SPSB4: variants seen among roughly 807,000 people sequenced by gnomAD.
SPSB4 encodes the protein SPRY domain-containing SOCS box protein 4.
Under a neutral mutation model 20.9 loss-of-function variants are expected in SPSB4, and 21 were observed. The ratio of observed to expected loss-of-function variants is 1.01; its 90% CI spans 0.71 to 1.45. SPSB4 has a LOEUF of 1.45. SPSB4 is among the 40% of genes most tolerant of loss of function. The probability of loss-of-function intolerance (pLI) is 0.00; values close to 1 mark genes in which losing one functional copy is unlikely to be tolerated. For synonymous variants in SPSB4, 207 were observed against 183.8 expected (o/e 1.13, Z -1.02); for missense variants, 399 against 399.2 (o/e 1.00, Z 0.00).
intron 2 of SPSB4, among the ~76,000 whole-genome samples, chr3:141,103,345 CAG>C (rs1938641831): frequency 6.6e-6 from 1 of 152,184 alleles, no homozygotes; most frequent in Admixed American, 6.5e-5. Flanking sequence ...AGTGTGGACA[CAG>C]AGGGGCCCCA....
At chr3:141,089,760 A>G (rs1472865824) in intron 2 of SPSB4, among the ~76,000 whole-genome samples, 1 of 152,206 alleles carries the variant, frequency 6.6e-6, no homozygotes, top group African/African-American at 2.4e-5. Context: ...AAATTTGTCA[A>G]AAGCCAGTTA....
rs1280880017 is a variant in SPSB4 at position 141,066,789 on chromosome 3, G to C, written c.685G>C (p.Gly229Arg). ...TGAAGTCACCATGCGCTACATCAAC[G>C]GCCTTGACCGTAAGTTGTGCTGGGC... ...HCEVTMRYINGLDPEPLPLMD... is the reference protein window; with the variant it reads ...HCEVTMRYINRLDPEPLPLMD... Residue 229 changes from glycine to arginine, a missense_variant, in exon 2 of 3, where the codon GGC becomes CGC. Gly to Arg is a moderately radical substitution (Grantham distance 125, BLOSUM62 -2). Coordinates refer to ENST00000310546, the MANE Select transcript of SPSB4 (RefSeq NM_080862.3). The C allele has an allele frequency of 6.5e-7, 1 of 1,544,390 alleles. No homozygotes were observed. Among genetic ancestry groups the C allele is most frequent in the East Asian group, 2.3e-5 (1 of 43,890 alleles).
In SPSB4 at chr3:141,147,437, G is replaced by T; in HGVS notation, c.*168G>T. Reference sequence around the variant, plus strand: ...TGTGGTACCAACTTTGGAAACGAAAGGTCTCTTGCCAACAGTATCTACTGC... The same window carrying T: ...TGTGGTACCAACTTTGGAAACGAAATGTCTCTTGCCAACAGTATCTACTGC... On this transcript the variant is annotated 3_prime_UTR_variant, in exon 3 of 3. Coordinates refer to ENST00000310546, the MANE Select transcript of SPSB4 (RefSeq NM_080862.3). The T allele has an allele frequency of 8.4e-7, 1 of 1,193,274 alleles. No individual in the cohort carries two copies. 73.9% of individuals were successfully genotyped at this position (1,193,274 alleles called of 1,614,324 possible). A position where few individuals can be genotyped will look rare whatever the true frequency, so the allele number is the denominator to read the frequency against.
chr3:141,056,705 C>T (rs1244065069), intron 1 of SPSB4, among the ~76,000 whole-genome samples: 1 of 152,268 alleles, frequency 6.6e-6, no homozygotes, highest in Non-Finnish European at 1.5e-5. Context: ...CCCTTCCCAT[C>T]TTCTCCCTTC....
chr3:141,065,904 T>C (rs1363769741), intron 1 of SPSB4, 48 bp from the exon 2 acceptor site: 1 of 516,652 alleles, frequency 1.9e-6, no homozygotes, highest in Non-Finnish European at 3.4e-6. Context: ...GATTGGCAAC[T>C]GGCTGCTGAT....
At chr3:141,108,051 T>C (rs1463806140) in intron 2 of SPSB4, among the ~76,000 whole-genome samples, 1 of 151,964 alleles carries the variant, frequency 6.6e-6, no homozygotes, top group Non-Finnish European at 1.5e-5. Context: ...CCAGATAGAG[T>C]GTCCAAGTGG....
intron 2 of SPSB4, among the ~76,000 whole-genome samples, chr3:141,144,348 C>A (rs551314771): frequency 6.6e-6 from 1 of 152,090 alleles, no homozygotes; most frequent in African/African-American, 2.4e-5. Flanking sequence ...GATTCTTTTT[C>A]GGTTTTATCT....
chr3:141,147,081 T>G, intron 2 of SPSB4, 61 bp from the exon 3 acceptor site: 1 of 1,601,836 alleles, frequency 6.2e-7, no homozygotes, highest in Non-Finnish European at 8.5e-7. Context: ...CAGTGGGGGC[T>G]GGGATGAGAA....
intron 1 of SPSB4, among the ~76,000 whole-genome samples, chr3:141,057,058 T>C (rs989296981): frequency 2.6e-5 from 4 of 152,188 alleles, no homozygotes; most frequent in African/African-American, 9.7e-5. Flanking sequence ...GAAGCCTCAT[T>C]GATTCTCGCT....
intron 1 of SPSB4, among the ~76,000 whole-genome samples, chr3:141,054,413 T>G (rs941462072): frequency 1.3e-5 from 2 of 152,178 alleles, no homozygotes; most frequent in African/African-American, 4.8e-5. Context: ...CTATAAAAAA[T>G]TTTTAAACCA....
chr3:141,052,944 C>G (rs573072637), intron 1 of SPSB4, among the ~76,000 whole-genome samples: 2 of 152,308 alleles, frequency 1.3e-5, no homozygotes, highest in African/African-American at 4.8e-5. Context: ...CATGGCCAAG[C>G]GCAGACGGCT....
Position 141,066,593 on chromosome 3 carries a change from C to T in SPSB4, c.489C>T (p.Ala163=). ...GKNQPGVAYP[A]FLGPDEAFAL... is the part of the protein sequence containing the mutation. ...ACCAGCCCGGCGTGGCCTACCCGGCCTTTCTGGGGCCCGACGAGGCCTTTG... is the reference window on the plus strand; with the variant it reads ...ACCAGCCCGGCGTGGCCTACCCGGCTTTTCTGGGGCCCGACGAGGCCTTTG... Residue 163 remains alanine, a synonymous_variant, in exon 2 of 3, where the codon GCC becomes GCT. Coordinates refer to ENST00000310546, the MANE Select transcript of SPSB4 (RefSeq NM_080862.3). 1 of 1,574,566 alleles carries T rather than the reference C, an allele frequency of 6.4e-7. No individual in the cohort carries two copies. Among genetic ancestry groups the T allele is most frequent in the Non-Finnish European group, 8.6e-7 (1 of 1,160,608 alleles).
At chr3:141,139,348 ATTG>A (rs903624643) in intron 2 of SPSB4, among the ~76,000 whole-genome samples, 2 of 152,000 alleles carry the variant, frequency 1.3e-5, no homozygotes, top group Non-Finnish European at 2.9e-5. Flanking sequence ...TAAGATTAGT[ATTG>A]TTATGTGTGA....
At chr3:141,082,205 C>A (rs1312410917) in intron 2 of SPSB4, among the ~76,000 whole-genome samples, 4 of 152,196 alleles carry the variant, frequency 2.6e-5, no homozygotes, top group Non-Finnish European at 5.9e-5. Context: ...ATCGTGAGCC[C>A]CACCACATGA....
chr3:141,064,761 A>G (rs1937832147), intron 1 of SPSB4, among the ~76,000 whole-genome samples: 1 of 152,168 alleles, frequency 6.6e-6, no homozygotes, highest in Admixed American at 6.5e-5. Context: ...TCTGCTCTGG[A>G]CAGGGCTTGG....
chr3:141,118,714 G>A (rs1017843348), intron 2 of SPSB4, among the ~76,000 whole-genome samples: 6 of 152,296 alleles, frequency 3.9e-5, no homozygotes, highest in Non-Finnish European at 7.4e-5. Context: ...CATATGGCTA[G>A]CCAGTTTTTC....
At chr3:141,136,407 C>CCTTG (rs1559857203) in intron 2 of SPSB4, among the ~76,000 whole-genome samples, 1 of 152,028 alleles carries the variant, frequency 6.6e-6, no homozygotes, top group African/African-American at 2.4e-5. Context: ...GACATGAAGT[C>CCTTG]CTTGCCCATG....
intron 1 of SPSB4, among the ~76,000 whole-genome samples, chr3:141,057,939 C>T (rs1937690350): frequency 6.6e-6 from 1 of 152,164 alleles, no homozygotes; most frequent in South Asian, 2.1e-4. Flanking sequence ...TAGGCTGTCT[C>T]CCTAAGGGAA....
rs563585965 is a variant in SPSB4 at position 141,140,141 on chromosome 3, G to T, written c.695-7001G>T. Among the ~76,000 whole-genome samples, 91 of 152,204 alleles carry T rather than the reference G, an allele frequency of 6.0e-4. 1 individual carries two copies. In the East Asian group the frequency reaches 0.015, roughly 26 times the overall value. ...TTGATCGCGTCAGTTACTGAGGCTTGTGCATTCGTCACGTGGTTCTTGTGC... is the reference window on the plus strand; with the variant it reads ...TTGATCGCGTCAGTTACTGAGGCTTTTGCATTCGTCACGTGGTTCTTGTGC... On this transcript the variant is annotated intron_variant, in intron 2 of 2. Coordinates refer to ENST00000310546, the MANE Select transcript of SPSB4 (RefSeq NM_080862.3).
Sources: gnomAD v4.1 joint callset for allele counts (sites outside exome capture counted in the v4.1 genomes callset) on GRCh38, gnomAD v4.1.1 for gene constraint, MANE v1.5 for transcripts, NCBI Gene and HGNC (gene_info 2026-07-23, HGNC 2026-07-21) for gene names.